The following RBPMS2 variants were observed in gnomAD, a reference collection of about 807,000 sequenced individuals.
The protein encoded by RBPMS2 is RNA-binding protein with multiple splicing 2.
Under a neutral mutation model 25.7 loss-of-function variants are expected in RBPMS2, and 14 were observed. The observed-to-expected ratio is 0.55, with a 90% CI of 0.36 to 0.85. RBPMS2 has a LOEUF of 0.85. Ranked by LOEUF, RBPMS2 falls within the 40% of genes least tolerant of loss-of-function variation. RBPMS2 has a pLI of 0.01. For missense variants in RBPMS2, 252 were observed against 283.4 expected (o/e 0.89, Z 0.80); for synonymous variants, 127 against 115.6 (o/e 1.10, Z -0.63).
intron 1 of RBPMS2, among the ~76,000 whole-genome samples, chr15:64,753,485 C>A (rs1022355881): frequency 1.3e-5 from 2 of 152,134 alleles, no homozygotes; most frequent in Admixed American, 6.6e-5. Context: ...TCAACAGAGC[C>A]AAGAATGTCA....
intron 3 of RBPMS2, among the ~76,000 whole-genome samples, chr15:64,750,049 T>TCC: frequency 6.9e-6 from 1 of 145,544 alleles, no homozygotes; most frequent in East Asian, 2.0e-4. Flanking sequence ...AGAGCAAAAC[T>TCC]CCATCTCAAA....
At chr15:64,757,155 A>G (rs1328108520) in intron 1 of RBPMS2, among the ~76,000 whole-genome samples, 1 of 151,524 alleles carries the variant, frequency 6.6e-6, no homozygotes, top group Non-Finnish European at 1.5e-5. Flanking sequence ...CCATTTTTGT[A>G]GCGATGAGGT....
At chr15:64,756,050 A>T (rs141859216) in intron 1 of RBPMS2, among the ~76,000 whole-genome samples, 127 of 152,306 alleles carry the variant, frequency 8.3e-4, no homozygotes, top group Admixed American at 2.6e-3. Flanking sequence ...CCTTGACTAC[A>T]GAAAGCCCTA....
At position 64,775,395 on chromosome 15, in the gene RBPMS2, G is replaced by T. The variant is rs1422935897; in HGVS notation, c.-76C>A. The T allele has an allele frequency of 4.8e-6, 4 of 828,654 alleles. No homozygotes were observed. The African/African-American group carries it at 5.5e-5, about 11-fold the overall frequency. The allele number at this position is 828,654 out of a possible 1,614,324, so 51.3% of individuals were successfully genotyped here. A position where few individuals can be genotyped will look rare whatever the true frequency, so the allele number is the denominator to read the frequency against. On this transcript the variant is annotated 5_prime_UTR_variant, in exon 1 of 8. Transcript: ENST00000300069. Reference sequence around the variant, plus strand: ...GGCCCCGCGGGAAGTGGGAAGGGGCGCGGGGAGCGGTGCGCTCGCGGGTGC... The same window carrying T: ...GGCCCCGCGGGAAGTGGGAAGGGGCTCGGGGAGCGGTGCGCTCGCGGGTGC...
intron 1 of RBPMS2, among the ~76,000 whole-genome samples, chr15:64,763,231 T>C (rs770831089): frequency 3.3e-5 from 5 of 152,094 alleles, no homozygotes; most frequent in Admixed American, 1.3e-4. Flanking sequence ...CCAGGACTTA[T>C]AAGGCTCTGA....
intron 6 of RBPMS2, 91 bp from the exon 7 acceptor site, chr15:64,741,333 G>A: frequency 1.0e-6 from 1 of 992,146 alleles, no homozygotes. Context: ...CCCCGCTGGA[G>A]TCCTGGTTCT....
chr15:64,743,779 C>G (rs879248941), intron 6 of RBPMS2, among the ~76,000 whole-genome samples: 1 of 152,144 alleles, frequency 6.6e-6, no homozygotes, highest in Non-Finnish European at 1.5e-5. Flanking sequence ...GAAGATACAC[C>G]AGAAAGCAAG....
At chr15:64,773,956 G>A (rs1408453319) in intron 1 of RBPMS2, among the ~76,000 whole-genome samples, 1 of 152,272 alleles carries the variant, frequency 6.6e-6, no homozygotes, top group African/African-American at 2.4e-5. Flanking sequence ...TAAGTCATTA[G>A]TGGACAGATG....
At chr15:64,770,155 G>A (rs1285572305) in intron 1 of RBPMS2, among the ~76,000 whole-genome samples, 3 of 152,026 alleles carry the variant, frequency 2.0e-5, no homozygotes, top group Non-Finnish European at 4.4e-5. Context: ...TTCCAGCCTG[G>A]GTGACATGGC....
intron 1 of RBPMS2, among the ~76,000 whole-genome samples, chr15:64,769,947 G>A (rs980935823): frequency 1.3e-5 from 2 of 152,282 alleles, no homozygotes; most frequent in East Asian, 1.9e-4. Context: ...TTGGGAGGCC[G>A]AGGCAGGAGG....
intron 1 of RBPMS2, among the ~76,000 whole-genome samples, chr15:64,758,517 G>A (rs1369926778): frequency 1.3e-5 from 2 of 152,236 alleles, no homozygotes; most frequent in Admixed American, 6.5e-5. Flanking sequence ...CAAGGAACGT[G>A]GCCAGGGTTG....
In RBPMS2 at chr15:64,774,594, G is replaced by A. The variant is rs902458519; in HGVS notation, c.87+639C>T. Among the ~76,000 whole-genome samples, 4 of 149,234 alleles carry A rather than the reference G, an allele frequency of 2.7e-5. No homozygotes were observed. The Admixed American group carries it at 2.7e-4, about 10-fold the overall frequency. On this transcript the variant is annotated intron_variant, in intron 1 of 7. Transcript: ENST00000300069. ...TTGGTTGCCAGGACAAACCCAGAGAGAGGAGAAGGACGAACTGAGTGTCTT... is the reference window on the plus strand; with the variant it reads ...TTGGTTGCCAGGACAAACCCAGAGAAAGGAGAAGGACGAACTGAGTGTCTT...
chr15:64,763,561 C>T (rs1035190051), intron 1 of RBPMS2, among the ~76,000 whole-genome samples: 4 of 152,202 alleles, frequency 2.6e-5, no homozygotes, highest in African/African-American at 9.7e-5. Context: ...CTATAAGGCC[C>T]CATCCTGGGC....
At chr15:64,774,607 A>AAC (rs1238898543) in intron 1 of RBPMS2, among the ~76,000 whole-genome samples, 3 of 133,860 alleles carry the variant, frequency 2.2e-5, no homozygotes, top group Non-Finnish European at 4.9e-5. Flanking sequence ...GAGAAGGACG[A>AAC]ACTGAGTGTC....
chr15:64,761,183 G>A (rs763007371), intron 1 of RBPMS2: 2 of 152,028 alleles, frequency 1.3e-5, no homozygotes, highest in East Asian at 1.9e-4. Flanking sequence ...CCACTGCTTC[G>A]AGCGAGCTCT....
chr15:64,749,577 A>G, intron 3 of RBPMS2, 84 bp from the exon 4 acceptor site: 2 of 1,239,798 alleles, frequency 1.6e-6, no homozygotes, highest in Non-Finnish European at 2.3e-6. Context: ...AAAGAGTATC[A>G]TCTATGTGGA....
At chr15:64,762,519 C>T in intron 1 of RBPMS2, 1 of 534,646 alleles carries the variant, frequency 1.9e-6, no homozygotes. Context: ...GATCTGGCTT[C>T]CCCAAGGGAA....
chr15:64,774,836 G>C (rs1213953753), intron 1 of RBPMS2, among the ~76,000 whole-genome samples: 2 of 151,440 alleles, frequency 1.3e-5, no homozygotes, highest in East Asian at 3.9e-4. Context: ...GCTCCGCTCC[G>C]TGCCGCCGAG....
intron 6 of RBPMS2, among the ~76,000 whole-genome samples, chr15:64,743,930 C>T (rs1437134790): frequency 6.6e-6 from 1 of 151,906 alleles, no homozygotes; most frequent in Non-Finnish European, 1.5e-5. Flanking sequence ...CATTACGAAA[C>T]CCCGTCTCTG....
Sources: gnomAD v4.1 joint callset for allele counts (sites outside exome capture counted in the v4.1 genomes callset) on GRCh38, gnomAD v4.1.1 for gene constraint, MANE v1.5 for transcripts, NCBI Gene and HGNC (gene_info 2026-07-23, HGNC 2026-07-21) for gene names.